Variants in ADCK1 observed in about 807,000 individuals in gnomAD.
The protein encoded by ADCK1 is aarF domain containing kinase 1.
ADCK1 carries 41 observed loss-of-function variants against 52.3 expected under a neutral mutation model. That is an observed-to-expected ratio of 0.78 (90% CI 0.61 to 1.02). The LOEUF is 1.02. Among genes scored for constraint, ADCK1 ranks in the 50% least tolerant of loss-of-function variants. The pLI, the probability that ADCK1 is intolerant of heterozygous loss-of-function variation, is 0.00. For missense variants in ADCK1, 658 were observed against 679.5 expected (o/e 0.97, Z 0.35); for synonymous variants, 250 against 274.6 (o/e 0.91, Z 0.89).
chr14:77,819,734 G>A (rs1426889011), intron 2 of ADCK1, among the ~76,000 whole-genome samples: 2 of 152,208 alleles, frequency 1.3e-5, no homozygotes, highest in Non-Finnish European at 2.9e-5. Flanking sequence ...AACTCTCCCA[G>A]ACATTCCTAT....
intron 4 of ADCK1, among the ~76,000 whole-genome samples, chr14:77,884,865 G>A (rs974423149): frequency 2.0e-5 from 3 of 152,254 alleles, no homozygotes; most frequent in Non-Finnish European, 2.9e-5. Flanking sequence ...TCAGGGTCCT[G>A]ATTGGCCAGG....
At chr14:77,929,192 C>G (rs2084266130) in intron 9 of ADCK1, among the ~76,000 whole-genome samples, 1 of 152,198 alleles carries the variant, frequency 6.6e-6, no homozygotes, top group Non-Finnish European at 1.5e-5. Context: ...AGGGGAACCT[C>G]CAACATTGTA....
intron 3 of ADCK1, among the ~76,000 whole-genome samples, chr14:77,845,825 G>T (rs961284444): frequency 6.6e-6 from 1 of 152,138 alleles, no homozygotes; most frequent in Non-Finnish European, 1.5e-5. Context: ...CCTCAGAGTT[G>T]CCTGTCAGAA....
rs149182935 is a variant in ADCK1, at chr14:77,886,893, C to T, written c.424-198C>T. On this transcript the variant is annotated intron_variant, in intron 4 of 10. Transcript: ENST00000238561. ...CTGCACTCCAGCCTGGTCGACAGCG[C>T]GGGACTCTGTCTCAACACACACACA... 7.4e-3 allele frequency among the ~76,000 whole-genome samples: 1,100 copies of T among 147,872 alleles called. 15 individuals are homozygous for T. Among genetic ancestry groups the T allele is most frequent in the African/African-American group, 0.026 (1,039 of 39,290 alleles).
At chr14:77,862,228 A>T (rs1423914236) in intron 4 of ADCK1, among the ~76,000 whole-genome samples, 1 of 152,230 alleles carries the variant, frequency 6.6e-6, no homozygotes, top group Non-Finnish European at 1.5e-5. Flanking sequence ...GACAGGTTCC[A>T]GGAAGCAATC....
intron 1 of ADCK1, among the ~76,000 whole-genome samples, chr14:77,803,723 G>A (rs10149283): frequency 0.011 from 1,630 of 152,218 alleles, 35 homozygotes; most frequent in African/African-American, 0.038. Flanking sequence ...TGATTTTGGG[G>A]GCTCCAAACA....
chr14:77,842,105 A>C (rs2082080348), intron 3 of ADCK1, among the ~76,000 whole-genome samples: 1 of 152,084 alleles, frequency 6.6e-6, no homozygotes, highest in Non-Finnish European at 1.5e-5. Context: ...AAACAATCAA[A>C]CATGACACAC....
intron 4 of ADCK1, among the ~76,000 whole-genome samples, chr14:77,861,107 C>T (rs977134392): frequency 1.7e-4 from 26 of 152,214 alleles, no homozygotes; most frequent in Non-Finnish European, 3.8e-4. Flanking sequence ...CCTCCACCCC[C>T]TGCCGATTAG....
At chr14:77,925,383 G>C (rs559784704) in intron 8 of ADCK1, among the ~76,000 whole-genome samples, 196 of 152,322 alleles carry the variant, frequency 1.3e-3, no homozygotes, top group African/African-American at 4.7e-3. Flanking sequence ...GCAGGGTGAG[G>C]GCTTGGAGGA....
At chr14:77,914,167 G>T (rs1372423896) in intron 7 of ADCK1, among the ~76,000 whole-genome samples, 1 of 152,174 alleles carries the variant, frequency 6.6e-6, no homozygotes, top group Admixed American at 6.5e-5. Flanking sequence ...TGCCAGCTTA[G>T]GGGTCCATGT....
chr14:77,862,177 C>CT (rs886579660), intron 4 of ADCK1, among the ~76,000 whole-genome samples: 1 of 152,170 alleles, frequency 6.6e-6, no homozygotes, highest in Non-Finnish European at 1.5e-5. Context: ...AAGAAACTTA[C>CT]TTTTTTTCCT....
At chr14:77,802,878 C>A (rs1018022842) in intron 1 of ADCK1, among the ~76,000 whole-genome samples, 1 of 151,842 alleles carries the variant, frequency 6.6e-6, no homozygotes, top group Non-Finnish European at 1.5e-5. Flanking sequence ...GGCTGGAACC[C>A]GGGAGGCGGA....
At position 77,833,337 on chromosome 14, in the gene ADCK1, C is replaced by A. The variant is rs534071783; in HGVS notation, c.219+10819C>A. On this transcript the variant is annotated intron_variant, in intron 3 of 10. Transcript: ENST00000238561. ...TTTCAGTGAGTTTTCAAGCACTGTGCGTCTAGACCCACTTTTGCTGCTTTT... is the reference window on the plus strand; with the variant it reads ...TTTCAGTGAGTTTTCAAGCACTGTGAGTCTAGACCCACTTTTGCTGCTTTT... Among the ~76,000 whole-genome samples, 39 of 152,288 alleles carry A rather than the reference C, an allele frequency of 2.6e-4. 1 individual carries two copies. The highest frequency in any genetic ancestry group is 9.4e-4 in the African/African-American group (39 of 41,562).
At chr14:77,889,050 A>G (rs2083224417) in intron 5 of ADCK1, among the ~76,000 whole-genome samples, 2 of 152,214 alleles carry the variant, frequency 1.3e-5, no homozygotes, top group Non-Finnish European at 2.9e-5. Context: ...CGATGGTTTT[A>G]TAAAAGGGCA....
At chr14:77,896,566 C>G (rs1362575511) in intron 5 of ADCK1, among the ~76,000 whole-genome samples, 1 of 152,228 alleles carries the variant, frequency 6.6e-6, no homozygotes, top group Non-Finnish European at 1.5e-5. Context: ...CCGCCTGGGC[C>G]TGGGGGAATC....
intron 2 of ADCK1, among the ~76,000 whole-genome samples, chr14:77,819,349 T>A (rs970894307): frequency 4.6e-5 from 7 of 152,240 alleles, no homozygotes; most frequent in African/African-American, 1.7e-4. Flanking sequence ...GTTCCTGTGA[T>A]CCTGAGGTAA....
chr14:77,885,467 T>C (rs762179142), intron 4 of ADCK1, among the ~76,000 whole-genome samples: 3 of 152,144 alleles, frequency 2.0e-5, no homozygotes, highest in Non-Finnish European at 4.4e-5. Context: ...GGGCAGGTTG[T>C]TGATAAATGG....
At chr14:77,821,043 AG>A (rs2081571698) in intron 2 of ADCK1, 1 of 152,110 alleles carries the variant, frequency 6.6e-6, no homozygotes, top group Non-Finnish European at 1.5e-5. Flanking sequence ...AGACTAGTCA[AG>A]TGCAATAGTG....
At chr14:77,886,162 C>T (rs2083142416) in intron 4 of ADCK1, among the ~76,000 whole-genome samples, 1 of 152,212 alleles carries the variant, frequency 6.6e-6, no homozygotes, top group Non-Finnish European at 1.5e-5. Flanking sequence ...CTGGAGTGGC[C>T]AGGCTGGGAG....
Sources: allele counts gnomAD v4.1 joint callset (sites outside exome capture counted in the v4.1 genomes callset), GRCh38; gene constraint gnomAD v4.1.1; transcripts MANE v1.5; gene names NCBI Gene and HGNC (gene_info 2026-07-23, HGNC 2026-07-21).